The following ADGRF1 variants were observed in gnomAD, a reference collection of about 807,000 sequenced individuals.
ADGRF1 encodes G protein-coupled receptor 110.
A neutral mutation model predicts 87.2 loss-of-function variants in ADGRF1; 85 were observed. The observed-to-expected ratio is 0.97, with a 90% confidence interval of 0.82 to 1.17. The LOEUF (loss-of-function observed/expected upper bound fraction) is 1.17, where lower values mean the gene tolerates loss of function less well. Ranked by LOEUF, ADGRF1 falls within the 50% of genes most tolerant of loss-of-function variation. The probability of loss-of-function intolerance (pLI) is 0.00; values close to 1 mark genes in which losing one functional copy is unlikely to be tolerated. For synonymous variants in ADGRF1, 430 were observed against 408.8 expected (o/e 1.05, Z -0.63); for missense variants, 1,169 against 1,077.2 (o/e 1.09, Z -1.19).
intron 13 of ADGRF1, among the ~76,000 whole-genome samples, chr6:47,002,469 C>A (rs764742306): frequency 2.6e-5 from 4 of 152,018 alleles, no homozygotes; most frequent in African/African-American, 4.8e-5. Context: ...CAGGGCTCAG[C>A]AAACATTTAA....
intron 1 of ADGRF1, 25 bp from the exon 2 acceptor site, chr6:47,029,129 G>A: frequency 1.5e-6 from 2 of 1,301,928 alleles, no homozygotes; most frequent in Non-Finnish European, 2.2e-6. Flanking sequence ...TACCAGGTAA[G>A]GTAGAGGCAC....
chr6:47,033,156 T>G (rs1406035733), intron 1 of ADGRF1, among the ~76,000 whole-genome samples: 1 of 152,218 alleles, frequency 6.6e-6, no homozygotes, highest in African/African-American at 2.4e-5. Context: ...CTGTGGCTGC[T>G]GGGGCCAGTG....
rs147609073 is a variant in ADGRF1 at position 47,010,184 on chromosome 6, C to T, written c.1251G>A (p.Pro417=). Reference sequence around the variant, plus strand: ...GAGAAAAATTCAGAGGAAGAGCTGTCGGAGGCACCAGAGTGCTGATGTTTT... The same window carrying T: ...GAGAAAAATTCAGAGGAAGAGCTGTTGGAGGCACCAGAGTGCTGATGTTTT... The part of the protein sequence containing the change: ...TLENISTLVP[P]TALPLNFSRK... Residue 417 remains proline (P), a synonymous_variant, in exon 11 of 15, where the codon CCG becomes CCA. Coordinates refer to ENST00000371253, the MANE Select transcript of ADGRF1 (RefSeq NM_153840.4). 1.2e-5 allele frequency: 19 copies of T among 1,614,088 alleles called. No individual in the cohort carries two copies. The highest frequency in any genetic ancestry group is 5.0e-5 in the Admixed American group (3 of 60,014).
intron 1 of ADGRF1, among the ~76,000 whole-genome samples, chr6:47,031,960 C>T (rs554852499): frequency 1.3e-5 from 2 of 152,080 alleles, no homozygotes; most frequent in South Asian, 2.1e-4. Context: ...ATTCTCCCAC[C>T]TCAGCTTCCA....
At chr6:47,012,392 G>T in intron 9 of ADGRF1, 197 bp from the exon 10 acceptor site, 1 of 948,814 alleles carries the variant, frequency 1.1e-6, no homozygotes, top group South Asian at 4.2e-5. Context: ...CTTTACCAGG[G>T]ATTCATTGAA....
Position 47,012,013 on chromosome 6 carries a change from TG to T in ADGRF1, c.1109del (p.Thr370LysfsTer8). ...AAGCACAGGCAGACCATACCTCCATTGTTGAATTGGACACCCTGAAATGGCT... is the reference window on the plus strand; with the variant it reads ...AAGCACAGGCAGACCATACCTCCATTTTGAATTGGACACCCTGAAATGGCT... The part of the protein sequence containing the change: ...LASHFRVSNS[T>X]MEDVISIADN... On this transcript the variant is annotated frameshift_variant, in exon 10 of 15. Coordinates refer to ENST00000371253, the MANE Select transcript of ADGRF1 (RefSeq NM_153840.4). LOFTEE classifies it high-confidence loss of function. 1.2e-6 allele frequency: 2 copies of T among 1,613,224 alleles called. No homozygotes were observed. Among genetic ancestry groups the T allele is most frequent in the Non-Finnish European group, 1.7e-6 (2 of 1,179,368 alleles).
chr6:47,017,723 T>C, intron 7 of ADGRF1: 1 of 151,870 alleles, frequency 6.6e-6, no homozygotes. Flanking sequence ...TTATTCTATT[T>C]ATGTGAAGTT....
intron 13 of ADGRF1, among the ~76,000 whole-genome samples, chr6:47,004,621 T>A (rs573234242): frequency 6.6e-6 from 1 of 152,322 alleles, no homozygotes; most frequent in South Asian, 2.1e-4. Flanking sequence ...CACTAAAGGT[T>A]TTATCTTTTA....
At chr6:47,033,610 G>A (rs565797370) in intron 1 of ADGRF1, among the ~76,000 whole-genome samples, 4 of 152,242 alleles carry the variant, frequency 2.6e-5, no homozygotes, top group Admixed American at 1.3e-4. Flanking sequence ...GCGCCCATGC[G>A]CACACACACA....
chr6:47,013,245 C>A (rs1190196336), intron 9 of ADGRF1: 24 of 985,350 alleles, frequency 2.4e-5, no homozygotes, highest in Non-Finnish European at 2.9e-5. Context: ...ATGCTGTTTT[C>A]TGTTCAAGCC....
At position 47,024,169 on chromosome 6, in the gene ADGRF1, T is replaced by C. The variant is rs765160919; in HGVS notation, c.326A>G (p.Tyr109Cys). 4.3e-6 allele frequency: 7 copies of C among 1,613,976 alleles called. No individual in the cohort carries two copies. In the South Asian group the frequency reaches 5.5e-5, roughly 13 times the overall value. The change falls in exon 5 of 15, where the codon TAC becomes TGC. Residue 109 changes from tyrosine (Y) to cysteine (C), a missense_variant. Coordinates refer to ENST00000371253, the MANE Select transcript of ADGRF1 (RefSeq NM_153840.4). ...GVLQCTCEDS[Y>C]TWFPPSCLDP... ...AAGGCATGAGGGAGGAAACCAGGTG[T>C]AGCTGTCTTCACAGGTACACTGCAG... is the stretch of plus-strand genomic sequence containing the variant.
intron 1 of ADGRF1, among the ~76,000 whole-genome samples, chr6:47,039,867 CAGG>C (rs1561885294): frequency 6.6e-6 from 1 of 152,078 alleles, no homozygotes; most frequent in East Asian, 1.9e-4. Flanking sequence ...GAGGCTGAGA[CAGG>C]AGAATTGCTA....
intron 7 of ADGRF1, chr6:47,017,036 T>C (rs1779904404): frequency 1.1e-5 from 2 of 180,504 alleles, no homozygotes; most frequent in Non-Finnish European, 2.2e-5. Flanking sequence ...TGGAAGGCTT[T>C]TTTGTGCTGT....
intron 5 of ADGRF1, 72 bp from the exon 6 acceptor site, chr6:47,022,130 A>G (rs1238225864): frequency 1.2e-5 from 10 of 859,418 alleles, no homozygotes; most frequent in African/African-American, 5.3e-5. Flanking sequence ...ATACAATTAT[A>G]GAAGTACAAT....
In ADGRF1 at chr6:47,000,162, A is replaced by G; in HGVS notation, c.*60T>C. Reference sequence around the variant, plus strand: ...TACTGAGCATAATTTCTTCATTGACATTTGTCTCTAAATGTCAAGTTGTTC... The same window carrying G: ...TACTGAGCATAATTTCTTCATTGACGTTTGTCTCTAAATGTCAAGTTGTTC... On this transcript the variant is annotated 3_prime_UTR_variant, in exon 15 of 15. Transcript: ENST00000371253. The G allele has an allele frequency of 7.9e-7, 1 of 1,263,402 alleles. No individual in the cohort carries two copies. Among genetic ancestry groups the G allele is most frequent in the Non-Finnish European group, 1.2e-6 (1 of 868,990 alleles). The allele number at this position is 1,263,402 out of a possible 1,614,324, so 78.3% of individuals were successfully genotyped here. A position where few individuals can be genotyped will look rare whatever the true frequency, so the allele number is the denominator to read the frequency against.
At chr6:47,002,454 G>T (rs1779388424) in intron 13 of ADGRF1, among the ~76,000 whole-genome samples, 1 of 151,818 alleles carries the variant, frequency 6.6e-6, no homozygotes, top group South Asian at 2.1e-4. Context: ...TAATTTTCTA[G>T]AATTCAGGGC....
chr6:47,000,065 G>T lies in ADGRF1; in HGVS notation c.*157C>A. The stretch of plus-strand genomic sequence containing the variant: ...TCTTTTCATTTAATTGAAGACAAAA[G>T]GGAGCAGTAATGAAGCCACTGAGAC... On this transcript the variant is annotated 3_prime_UTR_variant, in exon 15 of 15. Coordinates refer to ENST00000371253, the MANE Select transcript of ADGRF1 (RefSeq NM_153840.4). 1.8e-6 allele frequency: 1 copy of T among 568,096 alleles called. No individual in the cohort carries two copies. Among genetic ancestry groups the T allele is most frequent in the South Asian group, 2.3e-5 (1 of 43,998 alleles). 35.2% of individuals were successfully genotyped at this position (568,096 alleles called of 1,614,324 possible). A position where few individuals can be genotyped will look rare whatever the true frequency, so the allele number is the denominator to read the frequency against.
intron 9 of ADGRF1, chr6:47,013,019 G>A (rs942988278): frequency 1.9e-5 from 18 of 952,322 alleles, no homozygotes; most frequent in African/African-American, 7.1e-5. Context: ...TGATCTGCCC[G>A]GCTTGGCCTC....
rs114454804 is a variant in ADGRF1, at chr6:47,016,487, G to A, written c.763+130C>T. On this transcript the variant is annotated intron_variant, in intron 8 of 14. Transcript: ENST00000371253. ...TTGGTGCTGGGGGAAACAGCTGCCT[G>A]TTTGTGCTGAAAGGCAGTTAGAGAA... The A allele has an allele frequency of 9.8e-4, 979 of 1,000,456 alleles. 10 individuals are homozygous for A. In the African/African-American group the frequency reaches 0.014, roughly 14 times the overall value. 62.0% of individuals were successfully genotyped at this position (1,000,456 alleles called of 1,614,324 possible). A position where few individuals can be genotyped will look rare whatever the true frequency, so the allele number is the denominator to read the frequency against.
Sources: gnomAD v4.1 joint callset for allele counts (sites outside exome capture counted in the v4.1 genomes callset) on GRCh38, gnomAD v4.1.1 for gene constraint, MANE v1.5 for transcripts, NCBI Gene and HGNC (gene_info 2026-07-23, HGNC 2026-07-21) for gene names.